PIEZO2: variants seen among roughly 807,000 people sequenced by gnomAD.
PIEZO2 encodes piezo-type mechanosensitive ion channel component 2.
PIEZO2 carries 172 observed loss-of-function variants against 337.3 expected under a neutral mutation model. The observed-to-expected ratio is 0.51, with a 90% CI of 0.45 to 0.58. PIEZO2 has a LOEUF of 0.58. Among genes scored for constraint, PIEZO2 ranks in the 20% least tolerant of loss-of-function variants. PIEZO2 has a pLI of 0.00. For missense variants in PIEZO2, 3,028 were observed against 3,391.3 expected (o/e 0.89, Z 2.66); for synonymous variants, 1,251 against 1,228.5 (o/e 1.02, Z -0.38).
intron 3 of PIEZO2, among the ~76,000 whole-genome samples, chr18:10,944,401 T>C (rs1174039023): frequency 6.6e-6 from 1 of 151,192 alleles, no homozygotes. Context: ...TTGAATTGTA[T>C]TATGACAGCC....
chr18:11,044,696 A>T (rs1484871532), intron 2 of PIEZO2, among the ~76,000 whole-genome samples: 15 of 152,156 alleles, frequency 9.9e-5, no homozygotes, highest in Admixed American at 9.8e-4. Context: ...CTTGTTATTC[A>T]TGGTTGTTAT....
At position 10,855,308 on chromosome 18, in the gene PIEZO2, T is replaced by TG. The variant is rs773855542; in HGVS notation, c.917+44dup. 6.8e-7 allele frequency: 1 copy of TG among 1,468,522 alleles called. No individual in the cohort carries two copies. The highest frequency in any genetic ancestry group is 2.5e-5 in the East Asian group (1 of 40,420). The allele number at this position is 1,468,522 out of a possible 1,614,324, so 91.0% of individuals were successfully genotyped here. On this transcript the variant is annotated intron_variant, in intron 7 of 55. Transcript: ENST00000674853. This position sits in a 1 kb window ranked among gnomAD's most constrained non-coding sequence, Gnocchi z 4.9. ...ATGCCAAACCAAGGTCCCAAAGGCG[T>TG]GGGGGGACAACCTCTCCTGGAAATG...
intron 2 of PIEZO2, among the ~76,000 whole-genome samples, chr18:10,989,109 T>C (rs1310636301): frequency 1.3e-5 from 2 of 151,996 alleles, no homozygotes; most frequent in African/African-American, 4.8e-5. Context: ...AAAACACTAA[T>C]AATAATAAAG....
In PIEZO2 at chr18:10,815,257, G is replaced by C. The variant is rs1464028148; in HGVS notation, c.918-7983C>G. On this transcript the variant is annotated intron_variant, in intron 7 of 55. Transcript: ENST00000674853. This position sits in a 1 kb window ranked among gnomAD's most constrained non-coding sequence, Gnocchi z 4.1. Reference sequence around the variant, plus strand: ...CTTTTAAATGAAATTGCCTTAGCATGAACTCAGGATAAACTTAAAATCAGA... The same window carrying C: ...CTTTTAAATGAAATTGCCTTAGCATCAACTCAGGATAAACTTAAAATCAGA... 1.3e-5 allele frequency among the ~76,000 whole-genome samples: 2 copies of C among 152,140 alleles called. No individual in the cohort carries two copies. Among genetic ancestry groups the C allele is most frequent in the Non-Finnish European group, 2.9e-5 (2 of 68,032 alleles).
chr18:10,785,104 T>G, intron 16 of PIEZO2, 147 bp from the exon 17 acceptor site: 1 of 800,408 alleles, frequency 1.2e-6, no homozygotes, highest in Non-Finnish European at 1.8e-6. Flanking sequence ...CAATATGGCT[T>G]TCGTTTCCAC....
chr18:11,095,381 G>T (rs531446893), intron 1 of PIEZO2, among the ~76,000 whole-genome samples: 1 of 152,094 alleles, frequency 6.6e-6, no homozygotes, highest in Non-Finnish European at 1.5e-5. Context: ...TTGGAATCAC[G>T]GTGTGCGTAA....
At chr18:10,920,818 C>T (rs962613634) in intron 3 of PIEZO2, among the ~76,000 whole-genome samples, 5 of 152,136 alleles carry the variant, frequency 3.3e-5, no homozygotes, top group Admixed American at 3.3e-4. Context: ...GTCTGGGAGG[C>T]AAGGTGGGCA....
chr18:11,002,237 C>G lies in PIEZO2; in HGVS notation c.161-22577G>C, dbSNP rs536690856. On this transcript the variant is annotated intron_variant, in intron 2 of 55. Coordinates refer to ENST00000674853, the MANE Select transcript of PIEZO2 (RefSeq NM_001378183.1). The surrounding 1 kb of genome is among the most constrained non-coding windows in gnomAD (Gnocchi z 4.3). ...TTCTCTTGATTTTTTCAACCATTTA[C>G]ATTCGCTCCTAGGTCATACAAAATA... 5.0e-4 allele frequency among the ~76,000 whole-genome samples: 76 copies of G among 152,308 alleles called. 1 individual carries two copies. Among genetic ancestry groups the G allele is most frequent in the Non-Finnish European group, 7.9e-4 (54 of 68,034 alleles).
chr18:10,737,168 A>G (rs1052812869), intron 33 of PIEZO2, among the ~76,000 whole-genome samples: 1 of 152,090 alleles, frequency 6.6e-6, no homozygotes, highest in Non-Finnish European at 1.5e-5. Flanking sequence ...AGATAAGCCA[A>G]TCAGGACGAT....
At chr18:10,915,637 A>G (rs1157372379) in intron 3 of PIEZO2, among the ~76,000 whole-genome samples, 2 of 152,152 alleles carry the variant, frequency 1.3e-5, no homozygotes, top group Non-Finnish European at 2.9e-5. Context: ...TAGCTAACTT[A>G]AGCTTCTCAA....
At chr18:10,674,910 A>T (rs1162846912) in intron 54 of PIEZO2, among the ~76,000 whole-genome samples, 1 of 152,216 alleles carries the variant, frequency 6.6e-6, no homozygotes, top group Non-Finnish European at 1.5e-5. Context: ...CCTGTCAGTA[A>T]TCTGGCTGCT....
In PIEZO2 at chr18:10,830,990, A is replaced by C. The variant is rs1403515867; in HGVS notation, c.918-23716T>G. 6.6e-6 allele frequency among the ~76,000 whole-genome samples: 1 copy of C among 152,178 alleles called. No homozygotes were observed. The highest frequency in any genetic ancestry group is 2.4e-5 in the African/African-American group (1 of 41,450). The stretch of plus-strand genomic sequence containing the variant: ...TCAAAACTACAAATTATCTCACCCC[A>C]GCTGAAGTGGCTTTTATCCAAACAA... On this transcript the variant is annotated intron_variant, in intron 7 of 55. Coordinates refer to ENST00000674853, the MANE Select transcript of PIEZO2 (RefSeq NM_001378183.1). The surrounding 1 kb of genome is among the most constrained non-coding windows in gnomAD (Gnocchi z 4.7).
intron 1 of PIEZO2, among the ~76,000 whole-genome samples, chr18:11,113,905 C>A (rs777506065): frequency 5.3e-5 from 8 of 152,186 alleles, no homozygotes; most frequent in Admixed American, 3.3e-4. Context: ...TTAGCATTGT[C>A]CTCTTTTAAT....
chr18:11,053,371 AAATGAG>A (rs1460684979), intron 2 of PIEZO2, among the ~76,000 whole-genome samples: 1 of 152,250 alleles, frequency 6.6e-6, no homozygotes, highest in Admixed American at 6.5e-5. Context: ...ATAGTCACAC[AAATGAG>A]AATAAGATTT....
In PIEZO2 at chr18:10,979,482, C is replaced by G. The variant is rs77367208; in HGVS notation, c.286+53G>C. 1.4e-6 allele frequency: 2 copies of G among 1,388,334 alleles called. No individual in the cohort carries two copies. Among genetic ancestry groups the G allele is most frequent in the Admixed American group, 2.5e-5 (1 of 39,856 alleles). The allele number at this position is 1,388,334 out of a possible 1,614,324, so 86.0% of individuals were successfully genotyped here. A position where few individuals can be genotyped will look rare whatever the true frequency, so the allele number is the denominator to read the frequency against. On this transcript the variant is annotated intron_variant, in intron 3 of 55. Transcript: ENST00000674853. The surrounding 1 kb of genome is among the most constrained non-coding windows in gnomAD (Gnocchi z 4.0). ...CGATGACACACAGCTTTATTATGCA[C>G]GTATATAAAAGAAATAAAAGAAAAC...
chr18:10,919,204 C>T (rs1284272813), intron 3 of PIEZO2, among the ~76,000 whole-genome samples: 3 of 150,494 alleles, frequency 2.0e-5, no homozygotes, highest in Non-Finnish European at 4.5e-5. Context: ...TGAATTGTCT[C>T]TTCATGCCCA....
At chr18:11,120,406 G>T (rs1235853705) in intron 1 of PIEZO2, among the ~76,000 whole-genome samples, 1 of 152,138 alleles carries the variant, frequency 6.6e-6, no homozygotes, top group East Asian at 1.9e-4. Flanking sequence ...AGGGAAGTCA[G>T]TCACTTCAGC....
chr18:10,948,621 C>A (rs942064982), intron 3 of PIEZO2, among the ~76,000 whole-genome samples: 1 of 152,090 alleles, frequency 6.6e-6, no homozygotes, highest in Admixed American at 6.6e-5. Flanking sequence ...GAGATACGCG[C>A]TCGAGTGCTG....
intron 1 of PIEZO2, among the ~76,000 whole-genome samples, chr18:11,106,266 T>C (rs2039557953): frequency 6.7e-6 from 1 of 149,696 alleles, no homozygotes; most frequent in East Asian, 2.0e-4. Flanking sequence ...TTTTGTATTT[T>C]TTTTTTTTTT....
Sources: gnomAD v4.1 joint callset for allele counts (sites outside exome capture counted in the v4.1 genomes callset) on GRCh38, gnomAD v4.1.1 for gene constraint, Gnocchi (gnomAD v3.1) non-coding constraint, MANE v1.5 for transcripts, NCBI Gene and HGNC (gene_info 2026-07-23, HGNC 2026-07-21) for gene names.